The following TRIO variants were observed in gnomAD, a reference collection of about 807,000 sequenced individuals.
TRIO encodes triple functional domain protein.
In TRIO, 58 loss-of-function variants were observed where a neutral mutation model predicts 351.9. The ratio of observed to expected loss-of-function variants is 0.16; its 90% CI spans 0.13 to 0.21. The LOEUF (loss-of-function observed/expected upper bound fraction) is 0.21. TRIO is among the 10% of genes least tolerant of loss of function. The probability of loss-of-function intolerance (pLI) is 1.00; values close to 1 mark genes in which losing one functional copy is unlikely to be tolerated. For missense variants in TRIO, 3,201 were observed against 4,027.8 expected (o/e 0.79, Z 5.56); for synonymous variants, 1,758 against 1,595.7 (o/e 1.10, Z -2.42).
chr5:14,493,932 G>A (rs1315058941), intron 49 of TRIO, among the ~76,000 whole-genome samples: 1 of 152,206 alleles, frequency 6.6e-6, no homozygotes, highest in Non-Finnish European at 1.5e-5. Flanking sequence ...TTAAGCCAAA[G>A]CCCAACCCAG....
At chr5:14,297,587 GCTCTT>G (rs1484755417) in intron 7 of TRIO, 2 of 204,386 alleles carry the variant, frequency 9.8e-6, no homozygotes, top group African/African-American at 4.6e-5. Flanking sequence ...AGTGGCAGCT[GCTCTT>G]CTCTTCCCCT....
rs73752105 is a variant in TRIO, at chr5:14,508,801, T to C, written c.*379T>C. 2,938 of 193,808 alleles carry C rather than the reference T, an allele frequency of 0.015. 76 individuals carry two copies. The highest frequency in any genetic ancestry group is 0.066 in the African/African-American group (2,765 of 42,178). 12.0% of individuals were successfully genotyped at this position (193,808 alleles called of 1,614,324 possible). A position where few individuals can be genotyped will look rare whatever the true frequency, so the allele number is the denominator to read the frequency against. ...AACCACTGGTGTTAATGAACAAAGA[T>C]ACTGTGCGTCTCTGGGGAAGACGCA... On this transcript the variant is annotated 3_prime_UTR_variant, in exon 57 of 57. Transcript: ENST00000344204.
At chr5:14,220,212 G>C (rs951766768) in intron 1 of TRIO, among the ~76,000 whole-genome samples, 2 of 151,978 alleles carry the variant, frequency 1.3e-5, no homozygotes, top group Admixed American at 6.6e-5. Context: ...ACATGTTATG[G>C]TGATCTCTGG....
At chr5:14,386,223 A>G (rs565397918) in intron 21 of TRIO, among the ~76,000 whole-genome samples, 1 of 152,070 alleles carries the variant, frequency 6.6e-6, no homozygotes, top group East Asian at 1.9e-4. Flanking sequence ...TATCTGGGGG[A>G]GTGGCTTTCC....
chr5:14,339,108 G>T (rs984704292), intron 11 of TRIO, among the ~76,000 whole-genome samples: 6 of 152,114 alleles, frequency 3.9e-5, no homozygotes, highest in African/African-American at 1.4e-4. Flanking sequence ...GGGTGTGGTG[G>T]CACCTGTAGT....
chr5:14,372,323 T>C (rs1745193858), intron 18 of TRIO, among the ~76,000 whole-genome samples: 1 of 151,894 alleles, frequency 6.6e-6, no homozygotes, highest in South Asian at 2.1e-4. Flanking sequence ...GTACTTCCTA[T>C]GGGATTACTC....
At chr5:14,271,107 G>GT (rs1283455542) in intron 2 of TRIO, among the ~76,000 whole-genome samples, 2 of 152,368 alleles carry the variant, frequency 1.3e-5, no homozygotes, top group East Asian at 3.9e-4. Context: ...AAGTTAGTTA[G>GT]TGTTGGTGAT....
intron 1 of TRIO, among the ~76,000 whole-genome samples, chr5:14,226,561 A>AT (rs1561224274): frequency 6.6e-6 from 1 of 152,240 alleles, no homozygotes; most frequent in African/African-American, 2.4e-5. Flanking sequence ...AAGGGTTTTT[A>AT]TAAAAGTAGT....
At chr5:14,448,345 G>T (rs1752589892) in intron 34 of TRIO, among the ~76,000 whole-genome samples, 1 of 152,234 alleles carries the variant, frequency 6.6e-6, no homozygotes, top group Admixed American at 6.5e-5. Context: ...CCTGCCTGGG[G>T]CGGGGGCTGG....
At chr5:14,180,031 G>T (rs549874354) in intron 1 of TRIO, among the ~76,000 whole-genome samples, 2 of 149,624 alleles carry the variant, frequency 1.3e-5, no homozygotes, top group African/African-American at 4.9e-5. Flanking sequence ...AACCCAGGAG[G>T]CGGAGGTTGC....
intron 33 of TRIO, among the ~76,000 whole-genome samples, chr5:14,412,746 C>T (rs1749308876): frequency 2.0e-5 from 3 of 152,196 alleles, no homozygotes; most frequent in African/African-American, 4.8e-5. Context: ...CTTATTTTAA[C>T]GTCCTTTATA....
At chr5:14,295,780 A>G (rs1281037396) in intron 6 of TRIO, among the ~76,000 whole-genome samples, 4 of 152,202 alleles carry the variant, frequency 2.6e-5, no homozygotes, top group African/African-American at 9.7e-5. Flanking sequence ...CGAGCCAGAG[A>G]GGTCACCTTG....
Position 14,504,482 on chromosome 5 carries a change from G to T in TRIO, c.8501G>T (p.Arg2834Leu). The stretch of plus-strand genomic sequence containing the variant: ...TTTGTGAACAAGAAGTTGATGAAGC[G>T]CGACCAGGTCACCCATGAGCTTGGC... ...TKFVNKKLMK[R>L]DQVTHELGIL... Residue 2834 changes from arginine (R) to leucine (L), a missense_variant, in exon 55 of 57, where the codon CGC becomes CTC. This residue lies in a region of TRIO where 1,089 missense variants were observed against 954.9 expected (regional missense o/e 1.14). Coordinates refer to ENST00000344204, the MANE Select transcript of TRIO (RefSeq NM_007118.4). 6.2e-7 allele frequency: 1 copy of T among 1,614,056 alleles called. No individual in the cohort carries two copies. Among genetic ancestry groups the T allele is most frequent in the Non-Finnish European group, 8.5e-7 (1 of 1,180,014 alleles).
At chr5:14,177,007 T>C (rs1561167040) in intron 1 of TRIO, among the ~76,000 whole-genome samples, 1 of 152,190 alleles carries the variant, frequency 6.6e-6, no homozygotes, top group Non-Finnish European at 1.5e-5. Context: ...AGAATATTCT[T>C]AGGTAAGCAC....
chr5:14,445,123 C>T (rs1752342820), intron 34 of TRIO, among the ~76,000 whole-genome samples: 1 of 152,066 alleles, frequency 6.6e-6, no homozygotes, highest in South Asian at 2.1e-4. Flanking sequence ...CAAAGTTGGC[C>T]TCAGGGACAC....
chr5:14,245,091 A>G (rs1336938875), intron 1 of TRIO, among the ~76,000 whole-genome samples: 1 of 152,216 alleles, frequency 6.6e-6, no homozygotes, highest in African/African-American at 2.4e-5. Context: ...GAGTCAATGA[A>G]AAGATAGCAT....
At chr5:14,488,963 G>A (rs747658268) in intron 48 of TRIO, 5 of 764,612 alleles carry the variant, frequency 6.5e-6, no homozygotes, top group Non-Finnish European at 1.2e-5. Flanking sequence ...CAAGCACAAG[G>A]GTTGCTGTGG....
At chr5:14,388,700 T>TG (rs1746775981) in intron 24 of TRIO, 21 bp downstream of exon 24, 1 of 1,601,542 alleles carries the variant, frequency 6.2e-7, no homozygotes, top group African/African-American at 1.4e-5. Context: ...TTTTTTTTTT[T>TG]TTTTTTGCTT....
At chr5:14,162,869 C>T (rs189150431) in intron 1 of TRIO, among the ~76,000 whole-genome samples, 4 of 152,118 alleles carry the variant, frequency 2.6e-5, no homozygotes, top group African/African-American at 4.8e-5. Context: ...TGCAGTGGCA[C>T]GATCTTGGCT....
Sources: gnomAD v4.1 joint callset for allele counts (sites outside exome capture counted in the v4.1 genomes callset) on GRCh38, gnomAD v4.1.1 for gene constraint, gnomAD v4.1.1 regional missense constraint, MANE v1.5 for transcripts, NCBI Gene and HGNC (gene_info 2026-07-23, HGNC 2026-07-21) for gene names.